The following SRGAP3 variants were observed in gnomAD, a reference collection of about 807,000 sequenced individuals.
SRGAP3 encodes SLIT-ROBO Rho GTPase-activating protein 3.
Under a neutral mutation model 121.1 loss-of-function variants are expected in SRGAP3, and 39 were observed. That is an observed-to-expected ratio of 0.32 (90% CI 0.25 to 0.42). The LOEUF is 0.42. Ranked by LOEUF, SRGAP3 falls within the 10% of genes least tolerant of loss-of-function variation. The pLI is 1.00. For synonymous variants in SRGAP3, 601 were observed against 570.0 expected (o/e 1.05, Z -0.77); for missense variants, 1,213 against 1,470.6 (o/e 0.82, Z 2.86).
At position 9,056,561 on chromosome 3, in the gene SRGAP3, G is replaced by A. The variant is rs112061790; in HGVS notation, c.1024-227C>T. On this transcript the variant is annotated intron_variant, in intron 7 of 21. Coordinates refer to ENST00000383836, the MANE Select transcript of SRGAP3 (RefSeq NM_014850.4). ...AAGTCCGCACTCTTGCCACTGCCAG[G>A]TGTGGCCTTTCAGTCATGATCTACA... Among the ~76,000 whole-genome samples the A allele has an allele frequency of 4.9e-3, 749 of 152,300 alleles. 8 individuals are homozygous for A. The highest frequency in any genetic ancestry group is 0.017 in the African/African-American group (701 of 41,554).
chr3:9,187,385 G>A (rs1301261242), intron 1 of SRGAP3, among the ~76,000 whole-genome samples: 2 of 152,082 alleles, frequency 1.3e-5, no homozygotes, highest in African/African-American at 4.8e-5. Flanking sequence ...GTGATTGAGG[G>A]CAAGTCGGGG....
At chr3:9,188,123 AT>A (rs1193997819) in intron 1 of SRGAP3, among the ~76,000 whole-genome samples, 2 of 152,214 alleles carry the variant, frequency 1.3e-5, no homozygotes, top group Non-Finnish European at 2.9e-5. Context: ...GCATTTTTCT[AT>A]GTGTACATTA....
chr3:9,115,706 G>A (rs1033461663), intron 2 of SRGAP3, among the ~76,000 whole-genome samples: 2 of 152,160 alleles, frequency 1.3e-5, no homozygotes, highest in African/African-American at 4.8e-5. Flanking sequence ...AGGAGAAACT[G>A]GAATGGGACT....
intron 3 of SRGAP3, among the ~76,000 whole-genome samples, chr3:9,302,242 G>T (rs1340074357): frequency 6.6e-6 from 1 of 152,298 alleles, no homozygotes. Flanking sequence ...AGGGGCCCTG[G>T]CCTTAGCAGT....
chr3:9,186,570 G>A (rs1003952275), intron 1 of SRGAP3, among the ~76,000 whole-genome samples: 1 of 152,128 alleles, frequency 6.6e-6, no homozygotes, highest in African/African-American at 2.4e-5. Context: ...TAATTCACCA[G>A]TGAAGTATTA....
intron 1 of SRGAP3, among the ~76,000 whole-genome samples, chr3:9,210,329 T>C (rs543359874): frequency 6.6e-6 from 1 of 152,296 alleles, no homozygotes; most frequent in African/African-American, 2.4e-5. Flanking sequence ...GAACAACTTT[T>C]AAAAATAGAA....
At chr3:9,061,984 C>T (rs1473568811) in intron 5 of SRGAP3, among the ~76,000 whole-genome samples, 1 of 152,206 alleles carries the variant, frequency 6.6e-6, no homozygotes, top group African/African-American at 2.4e-5. Flanking sequence ...CTTACACCTT[C>T]CTATTCCACA....
At chr3:9,041,456 C>A (rs1018988935) in intron 10 of SRGAP3, among the ~76,000 whole-genome samples, 6 of 152,240 alleles carry the variant, frequency 3.9e-5, no homozygotes, top group Admixed American at 6.5e-5. Flanking sequence ...TAAATAATAT[C>A]TTTTCCTTCT....
chr3:9,192,641 C>G (rs1009663655), intron 1 of SRGAP3: 1 of 152,226 alleles, frequency 6.6e-6, no homozygotes, highest in Non-Finnish European at 1.5e-5. Context: ...ATGATTTTAA[C>G]CTGTCTCCTT....
At chr3:9,171,829 T>C (rs1006370728) in intron 1 of SRGAP3, among the ~76,000 whole-genome samples, 2 of 152,020 alleles carry the variant, frequency 1.3e-5, no homozygotes, top group Non-Finnish European at 2.9e-5. Flanking sequence ...AGCCGAAATG[T>C]ATTGCCTCGG....
intron 3 of SRGAP3, among the ~76,000 whole-genome samples, chr3:9,319,061 A>C (rs1020301322): frequency 1.3e-5 from 2 of 151,918 alleles, no homozygotes; most frequent in African/African-American, 4.8e-5. Context: ...CATTCATTTT[A>C]AATACATACA....
intron 3 of SRGAP3, among the ~76,000 whole-genome samples, chr3:9,318,794 G>C (rs1559275158): frequency 1.3e-5 from 2 of 151,534 alleles, no homozygotes; most frequent in Admixed American, 6.6e-5. Flanking sequence ...TGGGGGGATC[G>C]CTTGAGCCTG....
intron 3 of SRGAP3, among the ~76,000 whole-genome samples, chr3:9,315,683 T>A (rs1289667588): frequency 6.6e-6 from 1 of 152,148 alleles, no homozygotes; most frequent in East Asian, 1.9e-4. Context: ...TTCAAATACA[T>A]GTAGTGAAAT....
chr3:9,102,519 T>C (rs916725928), intron 3 of SRGAP3, among the ~76,000 whole-genome samples: 4 of 152,222 alleles, frequency 2.6e-5, no homozygotes, highest in African/African-American at 7.2e-5. Flanking sequence ...CCATAGTTGC[T>C]TTGAGGTCTG....
intron 18 of SRGAP3, among the ~76,000 whole-genome samples, chr3:9,005,783 G>A (rs980057702): frequency 6.6e-6 from 1 of 152,114 alleles, no homozygotes; most frequent in Non-Finnish European, 1.5e-5. Flanking sequence ...GGATGGGAGG[G>A]CGTAAGGAGT....
chr3:9,028,462 G>A (rs1426818414), intron 12 of SRGAP3, among the ~76,000 whole-genome samples: 1 of 152,134 alleles, frequency 6.6e-6, no homozygotes, highest in Non-Finnish European at 1.5e-5. Flanking sequence ...TCCCATCCCT[G>A]TACCTAGCTT....
intron 15 of SRGAP3, among the ~76,000 whole-genome samples, chr3:9,015,282 G>A (rs898063738): frequency 3.3e-5 from 5 of 151,364 alleles, no homozygotes; most frequent in Middle Eastern, 3.2e-3. Context: ...TGTCCCTTGC[G>A]CTTCCCAGGA....
At chr3:9,257,515 G>A (rs1282274206) in intron 3 of SRGAP3, 1 of 151,882 alleles carries the variant, frequency 6.6e-6, no homozygotes, top group African/African-American at 2.4e-5. Context: ...CAAGTATATG[G>A]TATTTCTTTA....
chr3:9,304,227 C>T (rs554033614), intron 3 of SRGAP3, among the ~76,000 whole-genome samples: 21 of 152,296 alleles, frequency 1.4e-4, no homozygotes, highest in Admixed American at 8.5e-4. Flanking sequence ...CAGCAGAGAG[C>T]CTGGCACGTG....
Sources: gnomAD v4.1 joint callset for allele counts (sites outside exome capture counted in the v4.1 genomes callset) on GRCh38, gnomAD v4.1.1 for gene constraint, MANE v1.5 for transcripts, NCBI Gene and HGNC (gene_info 2026-07-23, HGNC 2026-07-21) for gene names.